The following FLYWCH2 variants were observed in gnomAD, a reference collection of about 807,000 sequenced individuals.
FLYWCH2 encodes FLYWCH family member 2.
Under a neutral mutation model 6.0 loss-of-function variants are expected in FLYWCH2, and 2 were observed. The ratio of observed to expected loss-of-function variants is 0.33; its 90% CI spans 0.14 to 1.04. FLYWCH2 has a LOEUF of 1.04. FLYWCH2 is among the 50% of genes least tolerant of loss of function. The probability of loss-of-function intolerance (pLI) is 0.45; values close to 1 mark genes in which losing one functional copy is unlikely to be tolerated. For missense variants in FLYWCH2, 192 were observed against 183.4 expected (o/e 1.05, Z -0.27); for synonymous variants, 87 against 79.3 (o/e 1.10, Z -0.52).
chr16:2,885,612 G>T (rs1188771231), intron 1 of FLYWCH2, among the ~76,000 whole-genome samples: 1 of 152,146 alleles, frequency 6.6e-6, no homozygotes, highest in Non-Finnish European at 1.5e-5. Flanking sequence ...TTCTTTTACC[G>T]AGCATAATTT....
rs138549052 is a variant in FLYWCH2, at chr16:2,895,781, G to A, written c.-99+461G>A. 4.3e-3 allele frequency among the ~76,000 whole-genome samples: 657 copies of A among 152,360 alleles called. 3 individuals carry two copies. Among genetic ancestry groups the A allele is most frequent in the African/African-American group, 0.015 (634 of 41,584 alleles). On this transcript the variant is annotated intron_variant, in intron 2 of 3. Coordinates refer to ENST00000396958, the MANE Select transcript of FLYWCH2 (RefSeq NM_138439.3). ...TGCTCCCTGTGACAACACAAACTGAGCTAATGTCCCCAGAGTGTTTAGCTC... is the reference window on the plus strand; with the variant it reads ...TGCTCCCTGTGACAACACAAACTGAACTAATGTCCCCAGAGTGTTTAGCTC...
chr16:2,889,022 C>T (rs1160699816), intron 1 of FLYWCH2, among the ~76,000 whole-genome samples: 1 of 151,944 alleles, frequency 6.6e-6, no homozygotes, highest in African/African-American at 2.4e-5. Context: ...ATTTGATATT[C>T]AGAAAAGTAT....
In FLYWCH2 at chr16:2,899,143, C is replaced by T. The variant is rs748579032; in HGVS notation, c.417C>T (p.Ser139=). The T allele has an allele frequency of 9.9e-6, 16 of 1,612,310 alleles. No individual in the cohort carries two copies. Among genetic ancestry groups the T allele is most frequent in the Admixed American group, 5.0e-5 (3 of 59,778 alleles). ...CCTGCTCTGTGGCGCCCGGCAAGTC[C>T]CTGTAACCTTGACAACAGGCGCATC... ...FAPCSVAPGK[S]L Residue 139 remains serine (S), a synonymous_variant, in exon 4 of 4, where the codon TCC becomes TCT. Transcript: ENST00000396958.
chr16:2,890,688 C>G (rs544468951), intron 1 of FLYWCH2, among the ~76,000 whole-genome samples: 1 of 152,020 alleles, frequency 6.6e-6, no homozygotes, highest in Admixed American at 6.6e-5. Context: ...TCCCAAAGTG[C>G]TGGGATTACA....
chr16:2,899,238 CT>C lies in FLYWCH2; in HGVS notation c.*92del. 1 of 615,304 alleles carries C rather than the reference CT, an allele frequency of 1.6e-6. No homozygotes were observed. The highest frequency in any genetic ancestry group is 2.7e-6 in the Non-Finnish European group (1 of 376,710). 38.1% of individuals were successfully genotyped at this position (615,304 alleles called of 1,614,324 possible). On this transcript the variant is annotated 3_prime_UTR_variant, in exon 4 of 4. Transcript: ENST00000396958. ...GGCTTCTGGGGCCAAATGGGTGAAT[CT>C]TTGCTTTTAACATTGTGTGATTTCT... is the stretch of plus-strand genomic sequence containing the variant.
Position 2,896,784 on chromosome 16 carries a change from A to G in FLYWCH2, c.322+13A>G. The G allele has an allele frequency of 1.4e-5, 23 of 1,605,098 alleles. No individual in the cohort carries two copies. The highest frequency in any genetic ancestry group is 2.0e-5 in the Non-Finnish European group (23 of 1,178,772). ...AGGCAGGACCCAGGTGAGGCTCCAC[A>G]GCGGCCCCCCAGGACAGCTCGGCAC... is the stretch of plus-strand genomic sequence containing the variant. On this transcript the variant is annotated intron_variant, in intron 3 of 3. Transcript: ENST00000396958.
rs2069858528 is a variant in FLYWCH2 at position 2,899,274 on chromosome 16, T to TC, written c.*125_*126insC. On this transcript the variant is annotated 3_prime_UTR_variant, in exon 4 of 4. Transcript: ENST00000396958. Reference sequence around the variant, plus strand: ...ACATTGTGTGATTTCTTTTCTTTTTTTTTTTTTTTTTAGATCAAGTATAAG... The same window carrying TC: ...ACATTGTGTGATTTCTTTTCTTTTTTCTTTTTTTTTTTAGATCAAGTATAAG... The TC allele has an allele frequency of 1.7e-6, 1 of 575,456 alleles. No individual in the cohort carries two copies. The highest frequency in any genetic ancestry group is 2.9e-6 in the Non-Finnish European group (1 of 344,208). 35.6% of individuals were successfully genotyped at this position (575,456 alleles called of 1,614,324 possible). A position where few individuals can be genotyped will look rare whatever the true frequency, so the allele number is the denominator to read the frequency against.
At chr16:2,898,922 G>T in intron 3 of FLYWCH2, 127 bp from the exon 4 acceptor site, 1 of 636,064 alleles carries the variant, frequency 1.6e-6, no homozygotes, top group East Asian at 3.2e-5. Context: ...TCTCAGTCAG[G>T]CAGAGGCTTC....
At position 2,889,571 on chromosome 16, in the gene FLYWCH2, A is replaced by C. The variant is rs563986269; in HGVS notation, c.-199-5649A>C. 2.2e-4 allele frequency among the ~76,000 whole-genome samples: 34 copies of C among 152,142 alleles called. No homozygotes were observed. The South Asian group carries it at 3.7e-3, about 17-fold the overall frequency. On this transcript the variant is annotated intron_variant, in intron 1 of 3. Transcript: ENST00000396958. ...TATATTAAAAAAAAAAAACAACCTG[A>C]AAAAGAGCAAAGTTGCTTATGCTGG... is the stretch of plus-strand genomic sequence containing the variant.
chr16:2,891,929 T>C (rs2069762447), intron 1 of FLYWCH2, among the ~76,000 whole-genome samples: 2 of 151,480 alleles, frequency 1.3e-5, no homozygotes, highest in Admixed American at 1.3e-4. Context: ...CGGTGGCTCA[T>C]GCCTGTAATC....
At position 2,897,759 on chromosome 16, in the gene FLYWCH2, C is replaced by T. The variant is rs1006017746; in HGVS notation, c.322+988C>T. Among the ~76,000 whole-genome samples, 47 of 152,348 alleles carry T rather than the reference C, an allele frequency of 3.1e-4. No individual in the cohort carries two copies. In the East Asian group the frequency reaches 3.7e-3, roughly 12 times the overall value. On this transcript the variant is annotated intron_variant, in intron 3 of 3. Coordinates refer to ENST00000396958, the MANE Select transcript of FLYWCH2 (RefSeq NM_138439.3). ...TGCCTCTGGGCTCTACCAGGGCAGG[C>T]AGCGGTGGGGGCAGGGCCCTAGGCA...
At chr16:2,896,819 T>C (rs371173599) in intron 3 of FLYWCH2, 48 bp downstream of exon 3, 72 of 1,549,970 alleles carry the variant, frequency 4.6e-5, no homozygotes, top group Non-Finnish European at 6.1e-5. Context: ...CCTCCCAGGG[T>C]GGCCCCCACA....
At chr16:2,898,151 G>T (rs1294065820) in intron 3 of FLYWCH2, among the ~76,000 whole-genome samples, 1 of 152,166 alleles carries the variant, frequency 6.6e-6, no homozygotes, top group Non-Finnish European at 1.5e-5. Flanking sequence ...CCTCCCTGGG[G>T]CTGAGACCCC....
chr16:2,899,373 G>C, downstream of FLYWCH2: 1 of 419,534 alleles, frequency 2.4e-6, no homozygotes, highest in Non-Finnish European at 4.2e-6. Context: ...TAATGGGCAG[G>C]TTTTAAACAT....
rs773639666 is a variant in FLYWCH2 at position 2,899,156 on chromosome 16, C to A, written c.*7C>A. 4.4e-6 allele frequency: 7 copies of A among 1,608,830 alleles called. No homozygotes were observed. The African/African-American group carries it at 5.4e-5, about 12-fold the overall frequency. On this transcript the variant is annotated 3_prime_UTR_variant, in exon 4 of 4. Transcript: ENST00000396958. ...GCCCGGCAAGTCCCTGTAACCTTGA[C>A]AACAGGCGCATCCTCCCAGGCCACC... is the stretch of plus-strand genomic sequence containing the variant.
At chr16:2,899,006 C>G (rs1418617475) in intron 3 of FLYWCH2, 43 bp from the exon 4 acceptor site, 3 of 1,530,098 alleles carry the variant, frequency 2.0e-6, no homozygotes, top group African/African-American at 1.4e-5. Context: ...TGAGCCCTCC[C>G]ATCTCCATTG....
chr16:2,892,934 A>G (rs923174884), intron 1 of FLYWCH2, among the ~76,000 whole-genome samples: 10 of 142,986 alleles, frequency 7.0e-5, no homozygotes, highest in Admixed American at 2.1e-4. Context: ...TCATATATAT[A>G]CCATATATGT....
At position 2,893,798 on chromosome 16, in the gene FLYWCH2, G is replaced by A. The variant is rs192111893; in HGVS notation, c.-199-1422G>A. Among the ~76,000 whole-genome samples, 985 of 151,848 alleles carry A rather than the reference G, an allele frequency of 6.5e-3. 7 individuals are homozygous for A. The highest frequency in any genetic ancestry group is 0.021 in the African/African-American group (886 of 41,440). Reference sequence around the variant, plus strand: ...GATTACGGGCGCCCGCCACCACGCCGGGCTAATTTTTTGTATTTTTTAGTG... The same window carrying A: ...GATTACGGGCGCCCGCCACCACGCCAGGCTAATTTTTTGTATTTTTTAGTG... On this transcript the variant is annotated intron_variant, in intron 1 of 3. Coordinates refer to ENST00000396958, the MANE Select transcript of FLYWCH2 (RefSeq NM_138439.3).
intron 1 of FLYWCH2, among the ~76,000 whole-genome samples, chr16:2,886,194 T>A (rs1385013225): frequency 1.3e-5 from 2 of 151,990 alleles, no homozygotes; most frequent in East Asian, 3.9e-4. Context: ...ATTATTTTTT[T>A]TTTTTAGACG....
Sources: allele counts gnomAD v4.1 joint callset (sites outside exome capture counted in the v4.1 genomes callset), GRCh38; gene constraint gnomAD v4.1.1; transcripts MANE v1.5; gene names NCBI Gene and HGNC (gene_info 2026-07-23, HGNC 2026-07-21).